The following MCTP2 variants were observed in gnomAD, a reference collection of about 807,000 sequenced individuals.
The protein encoded by MCTP2 is multiple C2 and transmembrane domain containing 2.
MCTP2 carries 132 observed loss-of-function variants against 111.6 expected under a neutral mutation model. The ratio of observed to expected loss-of-function variants is 1.18; its 90% confidence interval spans 1.03 to 1.37. MCTP2 has a LOEUF of 1.37. Among genes scored for constraint, MCTP2 ranks in the 40% most tolerant of loss-of-function variants. MCTP2 has a pLI of 0.00. For synonymous variants in MCTP2, 395 were observed against 387.7 expected (o/e 1.02, Z -0.22); for missense variants, 1,183 against 1,067.9 (o/e 1.11, Z -1.50).
At chr15:94,276,246 GA>G (rs1305262261) in intron 1 of MCTP2, among the ~76,000 whole-genome samples, 2 of 151,944 alleles carry the variant, frequency 1.3e-5, no homozygotes. Context: ...TCATAAACAG[GA>G]CAGAGATTAA....
chr15:94,232,222 T>A (rs1269847523), intron 1 of MCTP2, among the ~76,000 whole-genome samples: 1 of 152,222 alleles, frequency 6.6e-6, no homozygotes. Flanking sequence ...GCGATTAGTT[T>A]CCGCAATTAG....
At chr15:94,309,700 C>T (rs1386755059) in intron 2 of MCTP2, among the ~76,000 whole-genome samples, 1 of 152,166 alleles carries the variant, frequency 6.6e-6, no homozygotes, top group Non-Finnish European at 1.5e-5. Context: ...TCCAGTGTCT[C>T]CCCATATCCT....
intron 17 of MCTP2, among the ~76,000 whole-genome samples, chr15:94,422,933 G>A (rs2082693973): frequency 6.6e-6 from 1 of 152,040 alleles, no homozygotes; most frequent in Non-Finnish European, 1.5e-5. Flanking sequence ...AGGGCTCAAG[G>A]GATCCTCCTG....
chr15:94,362,050 A>T (rs918762956), intron 10 of MCTP2, among the ~76,000 whole-genome samples: 12 of 152,260 alleles, frequency 7.9e-5, no homozygotes, highest in Admixed American at 7.8e-4. Context: ...AGTAACTCCT[A>T]AAAACACTGG....
rs796565271 is a variant in MCTP2 at position 94,357,547 on chromosome 15, GTT to G, written c.1171-925_1171-924del. Among the ~76,000 whole-genome samples, 342 of 132,930 alleles carry G rather than the reference GTT, an allele frequency of 2.6e-3. 2 individuals are homozygous for G. The highest frequency in any genetic ancestry group is 8.8e-3 in the African/African-American group (315 of 35,826). The allele number at this position is 132,930 out of a possible 152,430, so 87.2% of individuals were successfully genotyped here. A position where few individuals can be genotyped will look rare whatever the true frequency, so the allele number is the denominator to read the frequency against. On this transcript the variant is annotated intron_variant, in intron 9 of 22. Transcript: ENST00000357742. ...TTTGTGGTCTAACAGGGCTTTTCTT[GTT>G]TTTTTTTTTGTTTTTGTTTTTTTCC...
chr15:94,412,141 A>G (rs1567654973), intron 17 of MCTP2, among the ~76,000 whole-genome samples: 1 of 152,076 alleles, frequency 6.6e-6, no homozygotes, highest in Non-Finnish European at 1.5e-5. Flanking sequence ...TCAGAAAGTG[A>G]TTTTCCCAAG....
intron 20 of MCTP2, among the ~76,000 whole-genome samples, chr15:94,466,471 A>G (rs1024305841): frequency 6.6e-6 from 1 of 152,158 alleles, no homozygotes; most frequent in Non-Finnish European, 1.5e-5. Context: ...CACTGGTAGC[A>G]TAAACTGAAA....
In MCTP2 at chr15:94,407,120, G is replaced by A. The variant is rs981667161; in HGVS notation, c.2085+5101G>A. Reference sequence around the variant, plus strand: ...ATATTGGTAGATCCAATCATGTATGGGTGTTTTGTTATGACATACTTATAT... The same window carrying A: ...ATATTGGTAGATCCAATCATGTATGAGTGTTTTGTTATGACATACTTATAT... On this transcript the variant is annotated intron_variant, in intron 17 of 22. Transcript: ENST00000357742. 4.6e-5 allele frequency among the ~76,000 whole-genome samples: 7 copies of A among 151,996 alleles called. No homozygotes were observed. The East Asian group carries it at 9.7e-4, about 21-fold the overall frequency.
intron 21 of MCTP2, 32 bp downstream of exon 21, chr15:94,470,474 C>T (rs749571619): frequency 1.2e-5 from 17 of 1,369,464 alleles, no homozygotes; most frequent in Non-Finnish European, 1.0e-6. Context: ...TGCTAGCAAT[C>T]AATTCCAGGT....
intron 12 of MCTP2, among the ~76,000 whole-genome samples, chr15:94,376,090 G>A (rs865928767): frequency 1.9e-4 from 29 of 152,144 alleles, no homozygotes; most frequent in African/African-American, 6.3e-4. Context: ...AGGACATGAG[G>A]TGTAGGAGGT....
chr15:94,282,698 C>A (rs560023575), intron 1 of MCTP2, among the ~76,000 whole-genome samples: 22 of 152,306 alleles, frequency 1.4e-4, no homozygotes, highest in Admixed American at 1.2e-3. Context: ...AAGTCACTGT[C>A]TTTTTGATGG....
At chr15:94,290,152 CA>C (rs57892801) in intron 1 of MCTP2, among the ~76,000 whole-genome samples, 220 of 139,572 alleles carry the variant, frequency 1.6e-3, no homozygotes, top group East Asian at 3.5e-3. Context: ...CTAGAGCCTC[CA>C]AAAAAAAAAA....
At chr15:94,470,857 A>C (rs746565578) in intron 21 of MCTP2, among the ~76,000 whole-genome samples, 2 of 152,088 alleles carry the variant, frequency 1.3e-5, no homozygotes, top group Non-Finnish European at 2.9e-5. Context: ...CTGACACTTC[A>C]TCCCTCTTGG....
In MCTP2 at chr15:94,458,245, A is replaced by G; in HGVS notation, c.2359A>G (p.Asn787Asp). The change falls in exon 20 of 23, where the codon AAC becomes GAC. Residue 787 changes from asparagine (N) to aspartate (D), a missense_variant and splice_region_variant. By Grantham distance (23) the Asn-to-Asp change is conservative. Transcript: ENST00000357742. ...EIASFGERIK[N>D]TFNWTVPFLS... The stretch of plus-strand genomic sequence containing the variant: ...AGCTTCTTTTGGAGAAAGGATTAAG[A>G]AGTAAGTTCTAAATTTGTGTTGTGG... 3 of 1,577,280 alleles carry G rather than the reference A, an allele frequency of 1.9e-6. No individual in the cohort carries two copies. The highest frequency in any genetic ancestry group is 2.6e-6 in the Non-Finnish European group (3 of 1,146,590).
chr15:94,479,388 G>C lies in MCTP2; in HGVS notation c.*354G>C, dbSNP rs2074614477. 3.5e-6 allele frequency: 1 copy of C among 289,024 alleles called. No individual in the cohort carries two copies. Among genetic ancestry groups the C allele is most frequent in the Non-Finnish European group, 6.6e-6 (1 of 151,280 alleles). The allele number at this position is 289,024 out of a possible 1,614,324, so 17.9% of individuals were successfully genotyped here. On this transcript the variant is annotated 3_prime_UTR_variant, in exon 23 of 23. Coordinates refer to ENST00000357742, the MANE Select transcript of MCTP2 (RefSeq NM_001385001.1). ...TGGATTCAAGAGTGACTTTGAACTTGTTTTCACACCTCCAACAGACTCTCA... is the reference window on the plus strand; with the variant it reads ...TGGATTCAAGAGTGACTTTGAACTTCTTTTCACACCTCCAACAGACTCTCA...
chr15:94,243,138 G>T (rs111067791), intron 1 of MCTP2, among the ~76,000 whole-genome samples: 14,419 of 62,388 alleles, frequency 0.23, 4,511 homozygotes, highest in Admixed American at 0.27. Flanking sequence ...TACGGGTGTG[G>T]ATATATTTAT....
chr15:94,288,764 T>C (rs958293419), intron 1 of MCTP2, among the ~76,000 whole-genome samples: 1 of 152,156 alleles, frequency 6.6e-6, no homozygotes, highest in Non-Finnish European at 1.5e-5. Context: ...TGAATAATCA[T>C]GAGTCTTGAA....
At chr15:94,465,475 G>A (rs145238865) in intron 20 of MCTP2, among the ~76,000 whole-genome samples, 1 of 152,274 alleles carries the variant, frequency 6.6e-6, no homozygotes, top group African/African-American at 2.4e-5. Context: ...TGAATGTGGT[G>A]TTCCCCTCTC....
chr15:94,231,922 T>A (rs995244096), intron 1 of MCTP2: 5 of 152,300 alleles, frequency 3.3e-5, no homozygotes, highest in African/African-American at 1.2e-4. Context: ...CCAGAATTTC[T>A]TTGCATTTTA....
Sources: allele counts gnomAD v4.1 joint callset (sites outside exome capture counted in the v4.1 genomes callset), GRCh38; gene constraint gnomAD v4.1.1; transcripts MANE v1.5; gene names NCBI Gene and HGNC (gene_info 2026-07-23, HGNC 2026-07-21).